The following GRIK4 variants were observed in gnomAD, a reference collection of about 807,000 sequenced individuals.
GRIK4 encodes glutamate receptor ionotropic, kainate 4.
Under a neutral mutation model 104.9 loss-of-function variants are expected in GRIK4, and 40 were observed. That is an observed-to-expected ratio of 0.38 (90% CI 0.30 to 0.50). The LOEUF is 0.50. GRIK4 is among the 20% of genes least tolerant of loss of function. The pLI is 0.93. For synonymous variants in GRIK4, 485 were observed against 524.9 expected (o/e 0.92, Z 1.04); for missense variants, 1,047 against 1,308.1 (o/e 0.80, Z 3.08).
chr11:120,874,284 G>T (rs1954706487), intron 10 of GRIK4, 66 bp downstream of exon 10: 1 of 1,312,014 alleles, frequency 7.6e-7, no homozygotes, highest in Admixed American at 1.9e-5. Context: ...TTGGTTCAAG[G>T]TACAAGAGTC....
chr11:120,597,674 C>T (rs1449910158), intron 1 of GRIK4, among the ~76,000 whole-genome samples: 4 of 152,164 alleles, frequency 2.6e-5, no homozygotes, highest in African/African-American at 9.7e-5. Context: ...GTGGGCCATG[C>T]GTGCTGCCTG....
intron 1 of GRIK4, among the ~76,000 whole-genome samples, chr11:120,627,923 AGCAATTTGCTGT>A (rs1334280190): frequency 6.6e-6 from 1 of 152,230 alleles, no homozygotes; most frequent in Admixed American, 6.5e-5. Context: ...CGGTGCTGCT[AGCAATTTGCTGT>A]GCTTCTAATT....
intron 6 of GRIK4, among the ~76,000 whole-genome samples, chr11:120,830,542 C>T (rs932682196): frequency 1.3e-5 from 2 of 152,036 alleles, no homozygotes; most frequent in African/African-American, 4.8e-5. Flanking sequence ...GTTGAATATC[C>T]CATCAGCCAG....
chr11:120,874,886 T>G (rs951659107), intron 10 of GRIK4, among the ~76,000 whole-genome samples: 1 of 152,140 alleles, frequency 6.6e-6, no homozygotes, highest in African/African-American at 2.4e-5. Flanking sequence ...ATGACTGGGT[T>G]GGTTTTTGCA....
At chr11:120,725,009 T>C (rs1951003401) in intron 3 of GRIK4, among the ~76,000 whole-genome samples, 1 of 152,238 alleles carries the variant, frequency 6.6e-6, no homozygotes, top group African/African-American at 2.4e-5. Context: ...ACTATTCGCA[T>C]AATAAAATAC....
chr11:120,572,108 A>G (rs1948408055), intron 1 of GRIK4, among the ~76,000 whole-genome samples: 1 of 152,308 alleles, frequency 6.6e-6, no homozygotes, highest in African/African-American at 2.4e-5. Flanking sequence ...TGGATTGCAG[A>G]TGGCCATCTT....
At chr11:120,637,574 C>G (rs1202945578) in intron 1 of GRIK4, among the ~76,000 whole-genome samples, 3 of 152,154 alleles carry the variant, frequency 2.0e-5, no homozygotes, top group Non-Finnish European at 2.9e-5. Context: ...GCTCAGATTC[C>G]AGCAACAGCG....
At chr11:120,785,486 A>G (rs2135482002) in intron 3 of GRIK4, among the ~76,000 whole-genome samples, 1 of 152,318 alleles carries the variant, frequency 6.6e-6, no homozygotes, top group South Asian at 2.1e-4. Context: ...TGCAGATAGA[A>G]TTGTCGGTGA....
chr11:120,860,326 G>A (rs910658845), intron 8 of GRIK4, among the ~76,000 whole-genome samples: 6 of 152,200 alleles, frequency 3.9e-5, no homozygotes, highest in African/African-American at 9.6e-5. Context: ...TGGTTTCGCT[G>A]TACAGGGCCC....
chr11:120,635,603 CAATT>C (rs1949387851), intron 1 of GRIK4, among the ~76,000 whole-genome samples: 1 of 152,108 alleles, frequency 6.6e-6, no homozygotes, highest in Non-Finnish European at 1.5e-5. Context: ...AATTTAGTAC[CAATT>C]AATTAATCGG....
intron 3 of GRIK4, among the ~76,000 whole-genome samples, chr11:120,766,328 G>A (rs1415525564): frequency 1.3e-5 from 2 of 152,186 alleles, no homozygotes; most frequent in African/African-American, 2.4e-5. Context: ...ATCCCAGGTC[G>A]ACTTCAGACT....
intron 3 of GRIK4, among the ~76,000 whole-genome samples, chr11:120,783,502 C>T (rs944910697): frequency 7.2e-5 from 11 of 152,014 alleles, no homozygotes; most frequent in African/African-American, 2.7e-4. Context: ...CTCCCTTTGT[C>T]CCCCATTTAA....
chr11:120,967,420 C>A lies in GRIK4; in HGVS notation c.2395+97C>A, dbSNP rs922857901. On this transcript the variant is annotated intron_variant, in intron 19 of 20. Coordinates refer to ENST00000527524, the MANE Select transcript of GRIK4 (RefSeq NM_014619.5). This position sits in a 1 kb window ranked among gnomAD's most constrained non-coding sequence, Gnocchi z 4.2. Reference sequence around the variant, plus strand: ...CAGGTACACATAATGACTTGTAGGACCCATTGAGAACGGCCTTGGAAGGAA... The same window carrying A: ...CAGGTACACATAATGACTTGTAGGAACCATTGAGAACGGCCTTGGAAGGAA... The A allele has an allele frequency of 7.4e-7, 1 of 1,348,066 alleles. No individual in the cohort carries two copies. 83.5% of individuals were successfully genotyped at this position (1,348,066 alleles called of 1,614,324 possible).
intron 1 of GRIK4, among the ~76,000 whole-genome samples, chr11:120,533,052 G>C (rs1001122120): frequency 1.3e-5 from 2 of 152,162 alleles, no homozygotes; most frequent in African/African-American, 4.8e-5. Flanking sequence ...GGCCAATGTA[G>C]GGGGGCGCAG....
chr11:120,914,839 G>A (rs781483040), intron 13 of GRIK4, among the ~76,000 whole-genome samples: 10 of 152,142 alleles, frequency 6.6e-5, no homozygotes, highest in Non-Finnish European at 1.2e-4. Flanking sequence ...AGAGGGGGAC[G>A]GATTGGAGGT....
intron 1 of GRIK4, among the ~76,000 whole-genome samples, chr11:120,635,496 G>C (rs1306049920): frequency 6.6e-6 from 1 of 152,214 alleles, no homozygotes; most frequent in Non-Finnish European, 1.5e-5. Context: ...CGGATGCCTG[G>C]TGATAGTTAC....
chr11:120,611,003 C>G (rs536597639), intron 1 of GRIK4, among the ~76,000 whole-genome samples: 1 of 152,158 alleles, frequency 6.6e-6, no homozygotes, highest in Non-Finnish European at 1.5e-5. Flanking sequence ...CATGTCCTGT[C>G]GTTTTCAACA....
In GRIK4 at chr11:120,938,520, T is replaced by C. The variant is rs74438155; in HGVS notation, c.1477-1827T>C. ...TGGTGATGGAGGATTGGGGTTGAGGTGGAGAAGAAACTGATCTTTGCCAAT... is the reference window on the plus strand; with the variant it reads ...TGGTGATGGAGGATTGGGGTTGAGGCGGAGAAGAAACTGATCTTTGCCAAT... On this transcript the variant is annotated intron_variant, in intron 13 of 20. Transcript: ENST00000527524. Among the ~76,000 whole-genome samples the C allele has an allele frequency of 9.8e-3, 1,498 of 152,242 alleles. 21 individuals are homozygous for C. The highest frequency in any genetic ancestry group is 0.034 in the African/African-American group (1,395 of 41,532).
intron 3 of GRIK4, among the ~76,000 whole-genome samples, chr11:120,778,604 A>G (rs1262997968): frequency 6.6e-6 from 1 of 152,250 alleles, no homozygotes; most frequent in Admixed American, 6.5e-5. Context: ...AGCTGACCTC[A>G]TTACCAACAG....
Sources: gnomAD v4.1 joint callset for allele counts (sites outside exome capture counted in the v4.1 genomes callset) on GRCh38, gnomAD v4.1.1 for gene constraint, Gnocchi (gnomAD v3.1) non-coding constraint, MANE v1.5 for transcripts, NCBI Gene and HGNC (gene_info 2026-07-23, HGNC 2026-07-21) for gene names.